Variants in FHOD3 observed in about 807,000 individuals in gnomAD.
The protein encoded by FHOD3 is formin homology 2 domain containing 3.
Under a neutral mutation model 173.0 loss-of-function variants are expected in FHOD3, and 90 were observed. That is an observed-to-expected ratio of 0.52 (90% CI 0.44 to 0.62). The LOEUF (loss-of-function observed/expected upper bound fraction) is 0.62, where lower values mean the gene tolerates loss of function less well. Among genes scored for constraint, FHOD3 ranks in the 20% least tolerant of loss-of-function variants. FHOD3 has a pLI of 0.00. For synonymous variants in FHOD3, 828 were observed against 823.0 expected (o/e 1.01, Z -0.10); for missense variants, 1,945 against 2,034.7 (o/e 0.96, Z 0.85).
chr18:36,618,893 C>T (rs995810987), intron 9 of FHOD3, among the ~76,000 whole-genome samples: 5 of 152,114 alleles, frequency 3.3e-5, no homozygotes, highest in Admixed American at 6.5e-5. Context: ...TCTGATTGTT[C>T]CCCCTTAGTG....
rs1178226914 is a variant in FHOD3, at chr18:36,421,830, A to G, written c.337+49086A>G. Among the ~76,000 whole-genome samples the G allele has an allele frequency of 2.6e-5, 4 of 152,166 alleles. No homozygotes were observed. In the East Asian group the frequency reaches 7.7e-4, roughly 29 times the overall value. On this transcript the variant is annotated intron_variant, in intron 3 of 28. Coordinates refer to ENST00000590592, the MANE Select transcript of FHOD3 (RefSeq NM_001281740.3). ...GGTGGCAGCCCCTGTGTGGATAGGC[A>G]GTCTATAGTGTGGGGGAGTGGGTAC...
rs753193247 is a variant in FHOD3, at chr18:36,718,756, G to A, written c.3417+41G>A. On this transcript the variant is annotated intron_variant, in intron 19 of 28. Transcript: ENST00000590592. ...AGCATGCTTCTTGATTGGAAGTTGGGTAGGGCTGAAGAGATTCGTTCTGTA... is the reference window on the plus strand; with the variant it reads ...AGCATGCTTCTTGATTGGAAGTTGGATAGGGCTGAAGAGATTCGTTCTGTA... 16 of 1,590,224 alleles carry A rather than the reference G, an allele frequency of 1.0e-5. No homozygotes were observed. In the South Asian group the frequency reaches 1.8e-4, roughly 18 times the overall value.
chr18:36,362,658 C>A (rs555146344), intron 2 of FHOD3, among the ~76,000 whole-genome samples: 2 of 152,196 alleles, frequency 1.3e-5, no homozygotes, highest in African/African-American at 4.8e-5. Context: ...GAGGACCAGT[C>A]CCTGGCTGTA....
chr18:36,338,051 G>A (rs890403700), intron 1 of FHOD3, among the ~76,000 whole-genome samples: 3 of 152,166 alleles, frequency 2.0e-5, no homozygotes, highest in Admixed American at 1.3e-4. Flanking sequence ...GAATTACTAA[G>A]GGAACGGAGT....
At chr18:36,549,812 T>C (rs2057569466) in intron 5 of FHOD3, among the ~76,000 whole-genome samples, 1 of 151,440 alleles carries the variant, frequency 6.6e-6, no homozygotes, top group South Asian at 2.1e-4. Context: ...CCTCTCAAAA[T>C]GCTGGGATTA....
rs550877031 is a variant in FHOD3 at position 36,763,544 on chromosome 18, C to T, written c.4624+2762C>T. ...TTATATATAATATGTGTATTATACA[C>T]GTTATATATAATATGTGTATTATAC... On this transcript the variant is annotated intron_variant, in intron 27 of 28. Coordinates refer to ENST00000590592, the MANE Select transcript of FHOD3 (RefSeq NM_001281740.3). Among the ~76,000 whole-genome samples, 147 of 135,680 alleles carry T rather than the reference C, an allele frequency of 1.1e-3. 4 individuals carry two copies. In the East Asian group the frequency reaches 0.027, roughly 25 times the overall value. 89.0% of individuals were successfully genotyped at this position (135,680 alleles called of 152,430 possible). A position where few individuals can be genotyped will look rare whatever the true frequency, so the allele number is the denominator to read the frequency against.
chr18:36,466,053 C>A (rs914070674), intron 3 of FHOD3, among the ~76,000 whole-genome samples: 5 of 152,110 alleles, frequency 3.3e-5, no homozygotes, highest in Non-Finnish European at 7.4e-5. Flanking sequence ...TCACCCACCC[C>A]CAATGCATAC....
chr18:36,709,040 T>G, intron 17 of FHOD3, 55 bp from the exon 18 acceptor site: 1 of 1,576,680 alleles, frequency 6.3e-7, no homozygotes, highest in Admixed American at 1.7e-5. Context: ...CTCACCTCAC[T>G]TCACCCTTCC....
At chr18:36,309,148 C>G (rs1051428481) in intron 1 of FHOD3, among the ~76,000 whole-genome samples, 1 of 152,120 alleles carries the variant, frequency 6.6e-6, no homozygotes, top group African/African-American at 2.4e-5. Flanking sequence ...TGGAGGGAGA[C>G]CAGGCCAGAC....
At chr18:36,754,033 T>A (rs562992224) in intron 24 of FHOD3, among the ~76,000 whole-genome samples, 1 of 152,350 alleles carries the variant, frequency 6.6e-6, no homozygotes, top group East Asian at 1.9e-4. Context: ...CACAAAAGTT[T>A]TTAAGTTTAA....
At chr18:36,393,000 G>T (rs1270362148) in intron 3 of FHOD3, among the ~76,000 whole-genome samples, 1 of 152,212 alleles carries the variant, frequency 6.6e-6, no homozygotes, top group Non-Finnish European at 1.5e-5. Flanking sequence ...CATATATTAA[G>T]TCTGCCCACA....
At chr18:36,409,902 CAG>C (rs2049265888) in intron 3 of FHOD3, among the ~76,000 whole-genome samples, 1 of 152,204 alleles carries the variant, frequency 6.6e-6, no homozygotes, top group East Asian at 1.9e-4. Flanking sequence ...TTGGAGAAAA[CAG>C]GGCAATAATG....
In FHOD3 at chr18:36,384,897, T is replaced by TACC. The variant is rs60582813; in HGVS notation, c.337+12180_337+12182dup. Among the ~76,000 whole-genome samples, 398 of 151,086 alleles carry TACC rather than the reference T, an allele frequency of 2.6e-3. 1 individual carries two copies. Among genetic ancestry groups the TACC allele is most frequent in the African/African-American group, 6.9e-3 (284 of 41,248 alleles). On this transcript the variant is annotated intron_variant, in intron 3 of 28. Transcript: ENST00000590592. ...TAAGCCCTTGGCAAGTGGTGGAAGA[T>TACC]ACCACCACCACCACCACCACCACCA...
intron 3 of FHOD3, among the ~76,000 whole-genome samples, chr18:36,485,579 C>A (rs1299372774): frequency 6.6e-6 from 1 of 152,184 alleles, no homozygotes; most frequent in Admixed American, 6.5e-5. Context: ...CAATGAAGTA[C>A]CAGTGGAGCT....
chr18:36,388,111 C>T, intron 3 of FHOD3, among the ~76,000 whole-genome samples: 1 of 139,810 alleles, frequency 7.2e-6, no homozygotes, highest in East Asian at 1.9e-4. Context: ...TTAATCTTTG[C>T]CTTTTTGCCT....
intron 10 of FHOD3, among the ~76,000 whole-genome samples, chr18:36,641,503 C>T (rs780727039): frequency 1.3e-5 from 2 of 152,192 alleles, no homozygotes; most frequent in Non-Finnish European, 2.9e-5. Context: ...TTTGCTTCAA[C>T]AGCATGGCAG....
In FHOD3 at chr18:36,332,085, A is replaced by C. The variant is rs921918572; in HGVS notation, c.166-23454A>C. ...CCCTTCCTCCTGCAGTGTTCCCTTC[A>C]GCCAGAGTCCTCTTCTGAGAAAGCT... On this transcript the variant is annotated intron_variant, in intron 1 of 28. Coordinates refer to ENST00000590592, the MANE Select transcript of FHOD3 (RefSeq NM_001281740.3). Among the ~76,000 whole-genome samples, 7 of 152,184 alleles carry C rather than the reference A, an allele frequency of 4.6e-5. No individual in the cohort carries two copies. In the South Asian group the frequency reaches 1.4e-3, roughly 32 times the overall value.
In FHOD3 at chr18:36,718,320, G is replaced by T; in HGVS notation, c.3022G>T (p.Val1008Phe). Residue 1008 changes from valine (V) to phenylalanine (F), a missense_variant, in exon 19 of 29, where the codon GTC (valine) becomes TTC (phenylalanine). Val to Phe is a conservative substitution (Grantham distance 50). Around this residue, in one of 5 missense-constraint regions of FHOD3, gnomAD observed 1,099 missense variants for 1,051.2 expected, o/e 1.05. Coordinates refer to ENST00000590592, the MANE Select transcript of FHOD3 (RefSeq NM_001281740.3). ...TDLGEEDDID[V>F]LDVDLGHREA... ...CCTGGGGGAGGAGGATGACATTGATGTCCTAGATGTGGACCTGGGTCACAG... is the reference window on the plus strand; with the variant it reads ...CCTGGGGGAGGAGGATGACATTGATTTCCTAGATGTGGACCTGGGTCACAG... The T allele has an allele frequency of 6.2e-7, 1 of 1,614,058 alleles. No homozygotes were observed. The highest frequency in any genetic ancestry group is 8.5e-7 in the Non-Finnish European group (1 of 1,180,006).
In FHOD3 at chr18:36,455,569, C is replaced by G. The variant is rs534179068; in HGVS notation, c.338-46363C>G. On this transcript the variant is annotated intron_variant, in intron 3 of 28. Transcript: ENST00000590592. ...CAGATGTCGGCAATGTTCATTAAAC[C>G]TTTAATTAAAAAAAAAAAAAGCTGT... Among the ~76,000 whole-genome samples the G allele has an allele frequency of 6.9e-3, 804 of 116,584 alleles. 4 individuals carry two copies. Among genetic ancestry groups the G allele is most frequent in the Middle Eastern group, 0.036 (9 of 248 alleles). 76.5% of individuals were successfully genotyped at this position (116,584 alleles called of 152,430 possible).
Sources: allele counts gnomAD v4.1 joint callset (sites outside exome capture counted in the v4.1 genomes callset), GRCh38; gene constraint gnomAD v4.1.1; regional missense constraint gnomAD v4.1.1; transcripts MANE v1.5; gene names NCBI Gene and HGNC (gene_info 2026-07-23, HGNC 2026-07-21).